CFTR: variants seen among roughly 807,000 people sequenced by gnomAD.
The protein encoded by CFTR is CF transmembrane conductance regulator.
A neutral mutation model predicts 171.6 loss-of-function variants in CFTR; 181 were observed. The observed-to-expected ratio is 1.05, with a 90% CI of 0.93 to 1.19. CFTR has a LOEUF of 1.19. Among genes scored for constraint, CFTR ranks in the 50% most tolerant of loss-of-function variants. The pLI is 0.00. For missense variants in CFTR, 1,968 were observed against 1,734.7 expected (o/e 1.13, Z -2.39); for synonymous variants, 583 against 608.0 (o/e 0.96, Z 0.60).
At position 117,592,245 on chromosome 7, in the gene CFTR, T is replaced by A; in HGVS notation, c.2078T>A (p.Phe693Tyr). The A allele has an allele frequency of 6.2e-7, 1 of 1,613,790 alleles. No individual in the cohort carries two copies. The change falls in exon 14 of 27, where the codon TTT becomes TAT. Residue 693 changes from phenylalanine (F) to tyrosine (Y), a missense_variant. Coordinates refer to ENST00000003084, the MANE Select transcript of CFTR (RefSeq NM_000492.4). ...CAATCTTTTAAACAGACTGGAGAGT[T>A]TGGGGAAAAAAGGAAGAATTCTATT... ...KKQSFKQTGE[F>Y]GEKRKNSILN...
At chr7:117,547,466 T>G (rs757492767) in intron 9 of CFTR, among the ~76,000 whole-genome samples, 3 of 152,016 alleles carry the variant, frequency 2.0e-5, no homozygotes, top group Non-Finnish European at 4.4e-5. Context: ...AGGAAAAGTC[T>G]GACTTTAAAA....
rs1371904930 is a variant in CFTR at position 117,611,683 on chromosome 7, C to T, written c.3242C>T (p.Ala1081Val). The T allele has an allele frequency of 3.7e-6, 6 of 1,613,294 alleles. No homozygotes were observed. The highest frequency in any genetic ancestry group is 3.3e-5 in the South Asian group (3 of 91,068). Residue 1081 changes from alanine to valine, a missense_variant, in exon 20 of 27, where the codon GCT (alanine) becomes GTT (valine). Physicochemically the swap from Ala to Val is moderately conservative, Grantham distance 64. Transcript: ENST00000003084. ...QPYFETLFHK[A>V]LNLHTANWFL... ...TACTTTGAAACTCTGTTCCACAAAG[C>T]TCTGAATTTACATACTGCCAACTGG...
chr7:117,594,483 A>G (rs117243), intron 14 of CFTR, among the ~76,000 whole-genome samples: 82,756 of 152,016 alleles, frequency 0.54, 25,223 homozygotes, highest in African/African-American at 0.83. Flanking sequence ...AACACAAATG[A>G]GCTTTCAGTC....
chr7:117,621,497 G>T (rs918382622), intron 21 of CFTR, among the ~76,000 whole-genome samples: 1 of 152,088 alleles, frequency 6.6e-6, no homozygotes, highest in South Asian at 2.1e-4. Flanking sequence ...GCTGACTCCT[G>T]GTCTATGTCA....
chr7:117,504,277 A>C lies in CFTR; in HGVS notation c.78A>C (p.Lys26Asn), dbSNP rs1379722065. 1 of 1,610,754 alleles carries C rather than the reference A, an allele frequency of 6.2e-7. No individual in the cohort carries two copies. The highest frequency in any genetic ancestry group is 8.5e-7 in the Non-Finnish European group (1 of 1,177,164). The change falls in exon 2 of 27, where the codon AAA becomes AAC. Residue 26 changes from lysine to asparagine, a missense_variant. Transcript: ENST00000003084. ...FFSWTRPILR[K>N]GYRQRLELSD... ...GCTGGACCAGACCAATTTTGAGGAAAGGATACAGACAGCGCCTGGAATTGT... is the reference window on the plus strand; with the variant it reads ...GCTGGACCAGACCAATTTTGAGGAACGGATACAGACAGCGCCTGGAATTGT...
chr7:117,496,823 A>G (rs1798248135), intron 1 of CFTR, among the ~76,000 whole-genome samples: 1 of 151,844 alleles, frequency 6.6e-6, no homozygotes, highest in South Asian at 2.1e-4. Flanking sequence ...TTCTCCACAT[A>G]TTTGCAACAC....
At chr7:117,545,930 T>C (rs1433500133) in intron 9 of CFTR, among the ~76,000 whole-genome samples, 1 of 152,022 alleles carries the variant, frequency 6.6e-6, no homozygotes, top group Non-Finnish European at 1.5e-5. Flanking sequence ...GTGATCCTCC[T>C]GCCTTAGCCT....
chr7:117,590,344 T>C lies in CFTR; in HGVS notation c.1680-9T>C, dbSNP rs1252191433. On this transcript the variant is annotated splice_polypyrimidine_tract_variant and intron_variant, in intron 12 of 26. Transcript: ENST00000003084. ...AGGAAATGTAATTTAATTTCCATTT[T>C]CTTTTTAGAGCAGTATACAAAGATG... 2 of 1,601,422 alleles carry C rather than the reference T, an allele frequency of 1.2e-6. No homozygotes were observed. The highest frequency in any genetic ancestry group is 2.2e-5 in the South Asian group (2 of 90,860).
At chr7:117,600,278 CA>C (rs530135674) in intron 15 of CFTR, among the ~76,000 whole-genome samples, 4 of 151,370 alleles carry the variant, frequency 2.6e-5, no homozygotes, top group South Asian at 4.2e-4. Flanking sequence ...AATAAATAGG[CA>C]AAAAAAATCT....
chr7:117,588,725 A>G (rs1250108204), intron 12 of CFTR, among the ~76,000 whole-genome samples: 1 of 152,122 alleles, frequency 6.6e-6, no homozygotes, highest in Non-Finnish European at 1.5e-5. Context: ...CAAAGTAAGA[A>G]TTGTTCTCCC....
At chr7:117,493,624 T>C (rs923066265) in intron 1 of CFTR, among the ~76,000 whole-genome samples, 9 of 152,046 alleles carry the variant, frequency 5.9e-5, no homozygotes, top group Admixed American at 3.3e-4. Flanking sequence ...TTAGTATTGG[T>C]CCTCAAACTC....
At chr7:117,578,536 G>C (rs980074305) in intron 11 of CFTR, among the ~76,000 whole-genome samples, 1 of 152,066 alleles carries the variant, frequency 6.6e-6, no homozygotes, top group Non-Finnish European at 1.5e-5. Context: ...CGACTGCATG[G>C]GGAGTCAGCA....
At chr7:117,484,866 A>G (rs1265602606) in intron 1 of CFTR, among the ~76,000 whole-genome samples, 1 of 152,050 alleles carries the variant, frequency 6.6e-6, no homozygotes, top group Non-Finnish European at 1.5e-5. Flanking sequence ...TAATATTCTT[A>G]TATACTTATA....
At position 117,504,272 on chromosome 7, in the gene CFTR, A is replaced by G; in HGVS notation, c.73A>G (p.Arg25Gly). 6.2e-7 allele frequency: 1 copy of G among 1,609,148 alleles called. No homozygotes were observed. Among genetic ancestry groups the G allele is most frequent in the Non-Finnish European group, 8.5e-7 (1 of 1,175,580 alleles). The change falls in exon 2 of 27, where the codon AGG becomes GGG. Residue 25 changes from arginine (R) to glycine (G), a missense_variant. Transcript: ENST00000003084. ...TTTTAGCTGGACCAGACCAATTTTG[A>G]GGAAAGGATACAGACAGCGCCTGGA... is the stretch of plus-strand genomic sequence containing the variant. The part of the protein sequence containing the change: ...LFFSWTRPIL[R>G]KGYRQRLELS...
At position 117,592,004 on chromosome 7, in the gene CFTR, G is replaced by A. The variant is rs201978662; in HGVS notation, c.1837G>A (p.Ala613Thr). 3.8e-6 allele frequency: 6 copies of A among 1,593,070 alleles called. No homozygotes were observed. The highest frequency in any genetic ancestry group is 2.2e-5 in the East Asian group (1 of 44,764). ...TTCTAAAATGGAACATTTAAAGAAA[G>A]CTGACAAAATATTAATTTTGCATGA... ...VTSKMEHLKK[A>T]DKILILHEGS... is the part of the protein sequence containing the mutation. Residue 613 changes from alanine to threonine, a missense_variant, in exon 14 of 27, where the codon GCT (alanine) becomes ACT (threonine). Physicochemically the swap from Ala to Thr is moderately conservative, Grantham distance 58. Transcript: ENST00000003084.
rs1800091 is a variant in CFTR, at chr7:117,559,587, A to G, written c.1516A>G (p.Ile506Val). 2.8e-4 allele frequency: 452 copies of G among 1,612,486 alleles called. No homozygotes were observed. The highest frequency in any genetic ancestry group is 1.2e-3 in the Admixed American group (71 of 59,990). The change falls in exon 11 of 27, where the codon ATC becomes GTC. Residue 506 changes from isoleucine (I) to valine (V), a missense_variant. Coordinates refer to ENST00000003084, the MANE Select transcript of CFTR (RefSeq NM_000492.4). ...WIMPGTIKEN[I>V]IFGVSYDEYR... ...TATGCCTGGCACCATTAAAGAAAAT[A>G]TCATCTTTGGTGTTTCCTATGATGA...
At chr7:117,598,705 T>C (rs1407684538) in intron 15 of CFTR, among the ~76,000 whole-genome samples, 1 of 152,228 alleles carries the variant, frequency 6.6e-6, no homozygotes, top group Non-Finnish European at 1.5e-5. Flanking sequence ...TGATGCAAGA[T>C]GCAGTGTAGC....
At chr7:117,572,222 G>A (rs1010887454) in intron 11 of CFTR, among the ~76,000 whole-genome samples, 24 of 152,072 alleles carry the variant, frequency 1.6e-4, no homozygotes, top group African/African-American at 5.3e-4. Context: ...AGTTGGTCTG[G>A]AACTCCTGAC....
intron 7 of CFTR, among the ~76,000 whole-genome samples, chr7:117,538,878 T>A (rs531572883): frequency 6.6e-6 from 1 of 152,296 alleles, no homozygotes; most frequent in Non-Finnish European, 1.5e-5. Flanking sequence ...GCAATCCGGG[T>A]TGGGCACATT....
Sources: gnomAD v4.1 joint callset for allele counts (sites outside exome capture counted in the v4.1 genomes callset) on GRCh38, gnomAD v4.1.1 for gene constraint, MANE v1.5 for transcripts, NCBI Gene and HGNC (gene_info 2026-07-23, HGNC 2026-07-21) for gene names.